The following GADL1 variants were observed in gnomAD, a reference collection of about 807,000 sequenced individuals.
The protein encoded by GADL1 is GAD like acidic amino acid decarboxylase 1.
A neutral mutation model predicts 69.5 loss-of-function variants in GADL1; 71 were observed. The ratio of observed to expected loss-of-function variants is 1.02; its 90% CI spans 0.84 to 1.25. The LOEUF (loss-of-function observed/expected upper bound fraction) is 1.25, where lower values mean the gene tolerates loss of function less well. Among genes scored for constraint, GADL1 ranks in the 50% most tolerant of loss-of-function variants. The pLI is 0.00. For missense variants in GADL1, 737 were observed against 631.8 expected (o/e 1.17, Z -1.79); for synonymous variants, 254 against 214.4 (o/e 1.18, Z -1.62).
intron 14 of GADL1, among the ~76,000 whole-genome samples, chr3:30,768,406 A>G (rs1696335761): frequency 6.6e-6 from 1 of 152,126 alleles, no homozygotes; most frequent in African/African-American, 2.4e-5. Flanking sequence ...CAAAGGGATG[A>G]GGAAAGAGAC....
At chr3:30,878,934 T>A (rs1194976889) in intron 1 of GADL1, among the ~76,000 whole-genome samples, 1 of 151,962 alleles carries the variant, frequency 6.6e-6, no homozygotes, top group African/African-American at 2.4e-5. Flanking sequence ...GGCAATGTTC[T>A]GTTTAACTGT....
chr3:30,755,263 A>G (rs1457557176), intron 14 of GADL1, among the ~76,000 whole-genome samples: 2 of 148,238 alleles, frequency 1.3e-5, no homozygotes, highest in Non-Finnish European at 3.0e-5. Context: ...AAAGATGTTT[A>G]CATGGTGAAA....
In GADL1 at chr3:30,838,978, T is replaced by C. The variant is rs1697918739; in HGVS notation, c.903+19A>G. 6.9e-7 allele frequency: 1 copy of C among 1,451,490 alleles called. No homozygotes were observed. Among genetic ancestry groups the C allele is most frequent in the Non-Finnish European group, 9.6e-7 (1 of 1,046,136 alleles). 89.9% of individuals were successfully genotyped at this position (1,451,490 alleles called of 1,614,324 possible). ...AAAGACCAAAGGTTAAACAGGTATGTACACATAAATGAACTTACATCTACA... is the reference window on the plus strand; with the variant it reads ...AAAGACCAAAGGTTAAACAGGTATGCACACATAAATGAACTTACATCTACA... On this transcript the variant is annotated intron_variant, in intron 9 of 14. Transcript: ENST00000282538.
chr3:30,877,839 T>A (rs1698598633), intron 1 of GADL1, among the ~76,000 whole-genome samples: 1 of 151,950 alleles, frequency 6.6e-6, no homozygotes, highest in African/African-American at 2.4e-5. Flanking sequence ...GATTTTAATA[T>A]TTAACCATAA....
At chr3:30,756,688 G>A (rs1037683928) in intron 14 of GADL1, among the ~76,000 whole-genome samples, 1 of 152,200 alleles carries the variant, frequency 6.6e-6, no homozygotes, top group Non-Finnish European at 1.5e-5. Flanking sequence ...TGATTGGGAA[G>A]TAGAGATCAT....
chr3:30,799,673 C>T (rs1697121939), intron 12 of GADL1: 1 of 152,128 alleles, frequency 6.6e-6, no homozygotes, highest in Non-Finnish European at 1.5e-5. Flanking sequence ...TCTACTGCAT[C>T]GTCAGGCTGA....
chr3:30,742,736 C>T (rs1194986496), intron 14 of GADL1, among the ~76,000 whole-genome samples: 1 of 151,920 alleles, frequency 6.6e-6, no homozygotes, highest in South Asian at 2.1e-4. Flanking sequence ...TTCTAAATAT[C>T]ATACAAGAAA....
chr3:30,778,265 C>A lies in GADL1; in HGVS notation c.1306G>T (p.Glu436Ter), dbSNP rs1442186006. 1 of 1,597,226 alleles carries A rather than the reference C, an allele frequency of 6.3e-7. No homozygotes were observed. Among genetic ancestry groups the A allele is most frequent in the East Asian group, 2.2e-5 (1 of 44,760 alleles). The part of the protein sequence containing the change: ...REGFKLLMEP[E>*]YANICFWYIP... ...TACCAAAAGCAAATATTGGCATATTCAGGCTGAGAATTAGAAAAAATATAA... is the reference window on the plus strand; with the variant it reads ...TACCAAAAGCAAATATTGGCATATTAAGGCTGAGAATTAGAAAAAATATAA... The change falls in exon 14 of 15, where the codon GAA becomes TAA. Residue 436 changes from glutamate (E) to a stop codon, truncating the protein, a stop_gained. Transcript: ENST00000282538. LOFTEE classifies it high-confidence loss of function.
intron 14 of GADL1, among the ~76,000 whole-genome samples, chr3:30,751,671 C>A (rs560126023): frequency 6.6e-6 from 1 of 152,008 alleles, no homozygotes; most frequent in Non-Finnish European, 1.5e-5. Context: ...ATAAGCCCAC[C>A]CCTTCATCTA....
chr3:30,773,001 T>C (rs769197001), intron 14 of GADL1, among the ~76,000 whole-genome samples: 13 of 145,004 alleles, frequency 9.0e-5, no homozygotes, highest in Non-Finnish European at 1.8e-4. Flanking sequence ...CCAATGCAGA[T>C]ACTGTGTGTT....
intron 14 of GADL1, among the ~76,000 whole-genome samples, chr3:30,757,685 T>A (rs1696010642): frequency 6.6e-6 from 1 of 152,150 alleles, no homozygotes; most frequent in South Asian, 2.1e-4. Context: ...TCCAAATAGT[T>A]CTTGGGATTA....
intron 14 of GADL1, among the ~76,000 whole-genome samples, chr3:30,773,283 A>AT (rs1189992918): frequency 6.6e-6 from 1 of 152,030 alleles, no homozygotes; most frequent in African/African-American, 2.4e-5. Flanking sequence ...ATTAATGCTT[A>AT]TTTTTTTCTG....
intron 13 of GADL1, among the ~76,000 whole-genome samples, chr3:30,785,376 CTT>C (rs1179179565): frequency 8.0e-6 from 1 of 125,402 alleles, no homozygotes; most frequent in Non-Finnish European, 1.6e-5. Context: ...AGCTAGATTT[CTT>C]TTTCTTTTTT....
At chr3:30,753,175 C>T (rs760100062) in intron 14 of GADL1, among the ~76,000 whole-genome samples, 49 of 152,156 alleles carry the variant, frequency 3.2e-4, no homozygotes, top group African/African-American at 7.5e-4. Flanking sequence ...ATATTAACCA[C>T]GCTACACAGG....
In GADL1 at chr3:30,753,608, T is replaced by TTGA. The variant is rs67190781; in HGVS notation, c.1392+24570_1392+24571insTCA. Among the ~76,000 whole-genome samples, 4 of 42,368 alleles carry TTGA rather than the reference T, an allele frequency of 9.4e-5. No homozygotes were observed. The East Asian group carries it at 2.4e-3, about 25-fold the overall frequency. The allele number at this position is 42,368 out of a possible 152,430, so 27.8% of individuals were successfully genotyped here. A position where few individuals can be genotyped will look rare whatever the true frequency, so the allele number is the denominator to read the frequency against. On this transcript the variant is annotated intron_variant, in intron 14 of 14. Coordinates refer to ENST00000282538, the MANE Select transcript of GADL1 (RefSeq NM_207359.3). ...GAAGACCAACAGACTTAAAGATAAC[T>TTGA]TGTTTTCTTACAGTACTTAAGATCA...
At chr3:30,831,424 G>A (rs1436869791) in intron 11 of GADL1, among the ~76,000 whole-genome samples, 2 of 151,850 alleles carry the variant, frequency 1.3e-5, no homozygotes, top group Non-Finnish European at 2.9e-5. Context: ...CTCTGTATTA[G>A]ACAAGGGTGC....
chr3:30,793,170 C>T (rs776248462), intron 12 of GADL1, among the ~76,000 whole-genome samples: 2 of 152,136 alleles, frequency 1.3e-5, no homozygotes, highest in Non-Finnish European at 2.9e-5. Context: ...TCTTGGAAGT[C>T]TACTGGCCAC....
intron 11 of GADL1, among the ~76,000 whole-genome samples, chr3:30,806,118 AATG>A (rs1308285217): frequency 6.6e-6 from 1 of 151,988 alleles, no homozygotes; most frequent in Non-Finnish European, 1.5e-5. Context: ...TCCTCCTTGC[AATG>A]ATGTTTTTCA....
intron 14 of GADL1, among the ~76,000 whole-genome samples, chr3:30,747,514 A>T (rs74735404): frequency 9.8e-4 from 149 of 152,328 alleles, no homozygotes; most frequent in Non-Finnish European, 1.7e-3. Flanking sequence ...ACATCTACCC[A>T]TACATTTCTT....
Sources: allele counts gnomAD v4.1 joint callset (sites outside exome capture counted in the v4.1 genomes callset), GRCh38; gene constraint gnomAD v4.1.1; transcripts MANE v1.5; gene names NCBI Gene and HGNC (gene_info 2026-07-23, HGNC 2026-07-21).